TRIM40: variants seen among roughly 807,000 people sequenced by gnomAD.
TRIM40 encodes tripartite motif containing 40.
A neutral mutation model predicts 26.1 loss-of-function variants in TRIM40; 27 were observed. The ratio of observed to expected loss-of-function variants is 1.04; its 90% confidence interval spans 0.76 to 1.43. The LOEUF (loss-of-function observed/expected upper bound fraction) is 1.43. TRIM40 is among the 40% of genes most tolerant of loss of function. TRIM40 has a pLI of 0.00. For missense variants in TRIM40, 289 were observed against 307.9 expected, an observed-to-expected ratio of 0.94 and a Z score of 0.46; for synonymous variants, 114 against 120.0, an observed-to-expected ratio of 0.95 and a Z score of 0.33.
At position 30,136,856 on chromosome 6, in the gene TRIM40, C is replaced by T; in HGVS notation, c.-181C>T. The T allele has an allele frequency of 1.6e-6, 1 of 615,558 alleles. No individual in the cohort carries two copies. Among genetic ancestry groups the T allele is most frequent in the Non-Finnish European group, 2.8e-6 (1 of 351,942 alleles). The allele number at this position is 615,558 out of a possible 1,614,324, so 38.1% of individuals were successfully genotyped here. ...TTTGTGTGGTCTATGTCACGGCACC[C>T]TTGAGGGAGAGTGGGCAATTGCCTG... is the stretch of plus-strand genomic sequence containing the variant. On this transcript the variant is annotated 5_prime_UTR_variant, in exon 2 of 6. Transcript: ENST00000396581.
At chr6:30,138,849 A>C (rs943442883) in intron 2 of TRIM40, among the ~76,000 whole-genome samples, 2 of 152,204 alleles carry the variant, frequency 1.3e-5, no homozygotes, top group Admixed American at 6.5e-5. Flanking sequence ...GTTATGATAC[A>C]GAATGAGAAA....
chr6:30,143,286 T>C (rs1771456831), intron 2 of TRIM40, among the ~76,000 whole-genome samples: 1 of 152,202 alleles, frequency 6.6e-6, no homozygotes, highest in African/African-American at 2.4e-5. Flanking sequence ...AATGAGATTC[T>C]TTGCTGAGCT....
At chr6:30,138,758 C>T (rs1771164448) in intron 2 of TRIM40, among the ~76,000 whole-genome samples, 1 of 152,210 alleles carries the variant, frequency 6.6e-6, no homozygotes, top group African/African-American at 2.4e-5. Flanking sequence ...AATATTTTCA[C>T]ATGGCATCCT....
At position 30,146,060 on chromosome 6, in the gene TRIM40, C is replaced by T. The variant is rs780374940; in HGVS notation, c.412C>T (p.Gln138Ter). The T allele has an allele frequency of 6.2e-7, 1 of 1,612,992 alleles. No homozygotes were observed. Among genetic ancestry groups the T allele is most frequent in the South Asian group, 1.1e-5 (1 of 91,064 alleles). Residue 138 changes from glutamine to a stop codon, truncating the protein, a stop_gained, in exon 3 of 6, where the codon CAG becomes TAG. Transcript: ENST00000396581. LOFTEE classifies it high-confidence loss of function. ...DIAELQRLKA[Q>*]QEKKLQALQF... ...TGCAGAACTTCAGCGGCTCAAGGCT[C>T]AGCAGGAGAAGAAACTGCAGGCTCT... is the stretch of plus-strand genomic sequence containing the variant.
chr6:30,143,308 C>T (rs1771458355), intron 2 of TRIM40, among the ~76,000 whole-genome samples: 1 of 151,930 alleles, frequency 6.6e-6, no homozygotes, highest in Admixed American at 6.6e-5. Flanking sequence ...ATGTATTTAC[C>T]ATACATTTTT....
rs1266644980 is a variant in TRIM40, at chr6:30,148,135, TTCAAATAGGA to T, written c.*326_*335del. On this transcript the variant is annotated 3_prime_UTR_variant, in exon 6 of 6. Coordinates refer to ENST00000396581, the MANE Select transcript of TRIM40 (RefSeq NM_001286633.2). ...GTAGTGCCCATCTCTCACAATCTCA[TTCAAATAGGA>T]TCCTCCAGGCCTCTGAATGGCCCGA... The T allele has an allele frequency of 6.8e-6, 3 of 443,584 alleles. No individual in the cohort carries two copies. The highest frequency in any genetic ancestry group is 1.2e-5 in the Non-Finnish European group (3 of 245,508). 27.5% of individuals were successfully genotyped at this position (443,584 alleles called of 1,614,324 possible).
chr6:30,146,049 G>T lies in TRIM40; in HGVS notation c.401G>T (p.Arg134Leu), dbSNP rs201192657. The T allele has an allele frequency of 1.2e-6, 2 of 1,612,880 alleles. No homozygotes were observed. The change falls in exon 3 of 6, where the codon CGG becomes CTG. Residue 134 changes from arginine to leucine, a missense_variant. By Grantham distance (102) the Arg-to-Leu change is moderately radical. Coordinates refer to ENST00000396581, the MANE Select transcript of TRIM40 (RefSeq NM_001286633.2). Reference protein sequence around the residue: ...KLRKDIAELQRLKAQQEKKLQ... With the variant: ...KLRKDIAELQLLKAQQEKKLQ... ...AGAAAGGACATTGCAGAACTTCAGC[G>T]GCTCAAGGCTCAGCAGGAGAAGAAA... is the stretch of plus-strand genomic sequence containing the variant.
chr6:30,144,197 C>G (rs557315844), intron 2 of TRIM40, among the ~76,000 whole-genome samples: 4 of 152,160 alleles, frequency 2.6e-5, no homozygotes, highest in Non-Finnish European at 4.4e-5. Flanking sequence ...TTGGGCTTAT[C>G]TTTGTTGCTG....
intron 3 of TRIM40, among the ~76,000 whole-genome samples, 171 bp from the exon 4 acceptor site, chr6:30,146,814 C>T (rs1335552230): frequency 1.3e-5 from 2 of 152,158 alleles, no homozygotes; most frequent in African/African-American, 2.4e-5. Flanking sequence ...GTGAGGTGTC[C>T]CTGCCTTTAT....
chr6:30,140,528 C>T (rs144734171), intron 2 of TRIM40, among the ~76,000 whole-genome samples: 3,630 of 151,894 alleles, frequency 0.024, 68 homozygotes, highest in Middle Eastern at 0.051. Flanking sequence ...AATGAGAACA[C>T]GTGGACACAG....
At chr6:30,139,004 G>A (rs937735882) in intron 2 of TRIM40, among the ~76,000 whole-genome samples, 4 of 152,232 alleles carry the variant, frequency 2.6e-5, no homozygotes, top group Non-Finnish European at 5.9e-5. Flanking sequence ...ACCTGCCGAT[G>A]AAGCAGCATA....
chr6:30,140,045 G>A (rs1771254659), intron 2 of TRIM40, among the ~76,000 whole-genome samples: 1 of 152,186 alleles, frequency 6.6e-6, no homozygotes, highest in Non-Finnish European at 1.5e-5. Context: ...AGTTAGAATG[G>A]CAATCATTAA....
In TRIM40 at chr6:30,137,042, C is replaced by T. The variant is rs1164501768; in HGVS notation, c.6C>T (p.Ile2=). 3.7e-6 allele frequency: 6 copies of T among 1,612,356 alleles called. No homozygotes were observed. Among genetic ancestry groups the T allele is most frequent in the African/African-American group, 1.3e-5 (1 of 74,914 alleles). M[I]PLQKDNQEEG... The stretch of plus-strand genomic sequence containing the variant: ...GACAGGGTAGGAACGAGGCCATGAT[C>T]CCTTTGCAGAAGGACAACCAGGAGG... The change falls in exon 2 of 6, where the codon ATC becomes ATT. Residue 2 remains isoleucine (I), a synonymous_variant. Transcript: ENST00000396581.
rs912199736 is a variant in TRIM40 at position 30,147,882 on chromosome 6, C to G, written c.*70C>G. ...CCTCTCTCTCCTTCCTCCAACCTGTCCAGGCCCCCACTGGGTCTACCCAGT... is the reference window on the plus strand; with the variant it reads ...CCTCTCTCTCCTTCCTCCAACCTGTGCAGGCCCCCACTGGGTCTACCCAGT... On this transcript the variant is annotated 3_prime_UTR_variant, in exon 6 of 6. Coordinates refer to ENST00000396581, the MANE Select transcript of TRIM40 (RefSeq NM_001286633.2). 1.2e-5 allele frequency: 16 copies of G among 1,381,064 alleles called. No individual in the cohort carries two copies. Among genetic ancestry groups the G allele is most frequent in the South Asian group, 5.8e-5 (5 of 86,154 alleles). 85.6% of individuals were successfully genotyped at this position (1,381,064 alleles called of 1,614,324 possible).
Position 30,137,225 on chromosome 6 carries a change from G to C in TRIM40, c.189G>C (p.Glu63Asp). The change falls in exon 2 of 6, where the codon GAG (glutamate) becomes GAC (aspartate). Residue 63 changes from glutamate (E) to aspartate (D), a missense_variant. Transcript: ENST00000396581. ...TCTGCCGGAAGCCCTGTTCTGAGGAGGTGCTAGGGACAGGCTATATCTGCC... is the reference window on the plus strand; with the variant it reads ...TCTGCCGGAAGCCCTGTTCTGAGGACGTGCTAGGGACAGGCTATATCTGCC... Reference protein sequence around the residue: ...CPLCRKPCSEEVLGTGYICPN... With the variant: ...CPLCRKPCSEDVLGTGYICPN... 6.2e-7 allele frequency: 1 copy of C among 1,613,076 alleles called. No individual in the cohort carries two copies. Among genetic ancestry groups the C allele is most frequent in the Non-Finnish European group, 8.5e-7 (1 of 1,180,030 alleles).
intron 2 of TRIM40, among the ~76,000 whole-genome samples, chr6:30,142,738 G>A (rs116663837): frequency 0.015 from 2,354 of 152,006 alleles, 22 homozygotes; most frequent in Non-Finnish European, 0.023. Flanking sequence ...ATGACTCCAC[G>A]TTAATTTTCC....
Position 30,148,098 on chromosome 6 carries a change from T to A in TRIM40, c.*286T>A. 1 of 528,864 alleles carries A rather than the reference T, an allele frequency of 1.9e-6. No individual in the cohort carries two copies. Among genetic ancestry groups the A allele is most frequent in the South Asian group, 2.6e-5 (1 of 38,560 alleles). 32.8% of individuals were successfully genotyped at this position (528,864 alleles called of 1,614,324 possible). A position where few individuals can be genotyped will look rare whatever the true frequency, so the allele number is the denominator to read the frequency against. Reference sequence around the variant, plus strand: ...GCATTTGTGAAATCTCCATTTTGCCTGTAAACTGATGGTAGTGCCCATCTC... The same window carrying A: ...GCATTTGTGAAATCTCCATTTTGCCAGTAAACTGATGGTAGTGCCCATCTC... On this transcript the variant is annotated 3_prime_UTR_variant, in exon 6 of 6. Coordinates refer to ENST00000396581, the MANE Select transcript of TRIM40 (RefSeq NM_001286633.2).
intron 2 of TRIM40, among the ~76,000 whole-genome samples, chr6:30,139,376 T>C (rs9261479): frequency 0.21 from 29,968 of 145,642 alleles, 3,453 homozygotes; most frequent in East Asian, 0.27. Context: ...TGGAGTCTCA[T>C]TCTGTCACCC....
At chr6:30,142,966 T>G (rs1771434387) in intron 2 of TRIM40, among the ~76,000 whole-genome samples, 1 of 152,176 alleles carries the variant, frequency 6.6e-6, no homozygotes, top group Admixed American at 6.5e-5. Flanking sequence ...ATTTAATAAT[T>G]TTATTACCTG....
Sources: gnomAD v4.1 joint callset for allele counts (sites outside exome capture counted in the v4.1 genomes callset) on GRCh38, gnomAD v4.1.1 for gene constraint, MANE v1.5 for transcripts, NCBI Gene and HGNC (gene_info 2026-07-23, HGNC 2026-07-21) for gene names.